Variants in SBF2 observed in about 807,000 individuals in gnomAD.
SBF2 encodes myotubularin-related protein 13.
A neutral mutation model predicts 225.2 loss-of-function variants in SBF2; 112 were observed. The ratio of observed to expected loss-of-function variants is 0.50; its 90% confidence interval spans 0.43 to 0.58. The LOEUF (loss-of-function observed/expected upper bound fraction) is 0.58, where lower values mean the gene tolerates loss of function less well. Ranked by LOEUF, SBF2 falls within the 20% of genes least tolerant of loss-of-function variation. The pLI is 0.00. For synonymous variants in SBF2, 763 were observed against 773.3 expected (o/e 0.99, Z 0.22); for missense variants, 1,996 against 2,206.2 (o/e 0.90, Z 1.91).
chr11:10,100,788 C>T (rs1952263760), intron 2 of SBF2, among the ~76,000 whole-genome samples: 1 of 152,018 alleles, frequency 6.6e-6, no homozygotes, highest in Non-Finnish European at 1.5e-5. Flanking sequence ...GGTTTGGCTC[C>T]ATCAGGGGTC....
chr11:9,857,298 C>CTAA (rs1857396789), intron 18 of SBF2, among the ~76,000 whole-genome samples: 1 of 152,208 alleles, frequency 6.6e-6, no homozygotes, highest in South Asian at 2.1e-4. Flanking sequence ...TCACTTGTAC[C>CTAA]TAACCTAGGG....
chr11:9,981,811 A>T (rs1946969990), intron 13 of SBF2, among the ~76,000 whole-genome samples: 1 of 152,238 alleles, frequency 6.6e-6, no homozygotes, highest in Non-Finnish European at 1.5e-5. Context: ...AACAGTATCG[A>T]ATGTTACATT....
At chr11:9,984,766 G>A (rs1005802076) in intron 13 of SBF2, among the ~76,000 whole-genome samples, 1 of 152,158 alleles carries the variant, frequency 6.6e-6, no homozygotes, top group Non-Finnish European at 1.5e-5. Context: ...AGAGACTGGA[G>A]CCCTATCTTC....
intron 6 of SBF2, among the ~76,000 whole-genome samples, chr11:10,008,169 C>T (rs1948283717): frequency 1.3e-5 from 2 of 152,134 alleles, no homozygotes; most frequent in Admixed American, 1.3e-4. Context: ...CCGCATGTTC[C>T]TCTGGTAGAA....
chr11:9,962,344 C>T (rs888010763), intron 15 of SBF2, among the ~76,000 whole-genome samples: 1 of 152,098 alleles, frequency 6.6e-6, no homozygotes, highest in Non-Finnish European at 1.5e-5. Flanking sequence ...AATTGAAAAA[C>T]ATTTAATTTC....
At chr11:10,295,546 A>G (rs893348094), upstream of SBF2, among the ~76,000 whole-genome samples, 9 of 152,024 alleles carry the variant, frequency 5.9e-5, no homozygotes, top group Non-Finnish European at 1.0e-4. Flanking sequence ...TGAATTTGCA[A>G]ACGTGGAGGG....
chr11:10,088,946 A>C (rs758592678), intron 2 of SBF2, among the ~76,000 whole-genome samples: 7 of 152,212 alleles, frequency 4.6e-5, no homozygotes, highest in Non-Finnish European at 1.5e-5. Context: ...TCAATAAATT[A>C]ACTGAAATAA....
intron 10 of SBF2, 22 bp downstream of exon 10, chr11:9,993,899 A>G: frequency 6.9e-7 from 1 of 1,452,400 alleles, no homozygotes. Context: ...ACAGCATTAA[A>G]TTTAAATATT....
chr11:9,808,077 TCTGA>T lies in SBF2; in HGVS notation c.4362_4365del (p.Ser1454ArgfsTer5). The T allele has an allele frequency of 6.2e-7, 1 of 1,614,198 alleles. No individual in the cohort carries two copies. The highest frequency in any genetic ancestry group is 1.1e-5 in the South Asian group (1 of 91,076). On this transcript the variant is annotated frameshift_variant, in exon 32 of 40. Coordinates refer to ENST00000256190, the MANE Select transcript of SBF2 (RefSeq NM_030962.4). LOFTEE classifies it high-confidence loss of function. ...TGACAGTTGAGGGTCAAGCTGCTCC[TCTGA>T]CTGAATTTGTGACCAAAAGAGAGCC... is the stretch of plus-strand genomic sequence containing the variant.
chr11:10,003,430 C>G (rs1320166865), intron 6 of SBF2, among the ~76,000 whole-genome samples: 1 of 151,194 alleles, frequency 6.6e-6, no homozygotes, highest in East Asian at 1.9e-4. Context: ...TGCAGTGGCA[C>G]GATCTCAGCT....
chr11:9,996,650 A>G (rs1047811942), intron 9 of SBF2, among the ~76,000 whole-genome samples: 1 of 152,168 alleles, frequency 6.6e-6, no homozygotes. Context: ...CGGCCTCCCA[A>G]AGTGCTGGGA....
chr11:10,256,352 A>G (rs1002356126), intron 1 of SBF2, among the ~76,000 whole-genome samples: 7 of 152,202 alleles, frequency 4.6e-5, no homozygotes, highest in African/African-American at 1.7e-4. Context: ...ACATTCTCTG[A>G]TATCTCACAT....
chr11:10,187,639 C>T (rs1374626330), intron 2 of SBF2, among the ~76,000 whole-genome samples: 2 of 151,402 alleles, frequency 1.3e-5, no homozygotes, highest in East Asian at 3.9e-4. Flanking sequence ...GTTAATTGAA[C>T]TCTACATTTA....
At chr11:10,264,840 T>C (rs1472017621) in intron 1 of SBF2, among the ~76,000 whole-genome samples, 1 of 151,088 alleles carries the variant, frequency 6.6e-6, no homozygotes, top group Admixed American at 6.6e-5. Context: ...TGGTGTTTGG[T>C]TTTCTGTTCT....
chr11:10,182,105 C>T (rs757046118), intron 2 of SBF2, among the ~76,000 whole-genome samples: 3 of 151,934 alleles, frequency 2.0e-5, no homozygotes, highest in African/African-American at 4.8e-5. Flanking sequence ...TGGTAATATC[C>T]GTAACTGGAA....
In SBF2 at chr11:9,853,526, T is replaced by C. The variant is rs992350950; in HGVS notation, c.2536+14A>G. On this transcript the variant is annotated intron_variant, in intron 20 of 39. Transcript: ENST00000256190. Reference sequence around the variant, plus strand: ...TCCAATATTCTGATTCTCTAATATCTGCAGAGTGATTACCTGGTATCATGC... The same window carrying C: ...TCCAATATTCTGATTCTCTAATATCCGCAGAGTGATTACCTGGTATCATGC... The C allele has an allele frequency of 8.7e-6, 14 of 1,611,090 alleles. No individual in the cohort carries two copies. In the Middle Eastern group the frequency reaches 5.0e-4, roughly 57 times the overall value.
At chr11:10,127,281 T>C (rs1409002677) in intron 2 of SBF2, among the ~76,000 whole-genome samples, 1 of 152,126 alleles carries the variant, frequency 6.6e-6, no homozygotes, top group Admixed American at 6.5e-5. Context: ...ATAATTAGTT[T>C]GAAATGTTTT....
intron 16 of SBF2, among the ~76,000 whole-genome samples, chr11:9,950,145 G>T (rs893507760): frequency 6.1e-5 from 9 of 148,756 alleles, no homozygotes; most frequent in Non-Finnish European, 9.0e-5. Flanking sequence ...CGTAAGCAGG[G>T]ATTAAAAAAA....
chr11:9,968,763 CT>C (rs1867132850), intron 13 of SBF2, among the ~76,000 whole-genome samples: 1 of 152,176 alleles, frequency 6.6e-6, no homozygotes, highest in Non-Finnish European at 1.5e-5. Flanking sequence ...TCCATGAACA[CT>C]TTCTTTACTT....
Sources: allele counts gnomAD v4.1 joint callset (sites outside exome capture counted in the v4.1 genomes callset), GRCh38; gene constraint gnomAD v4.1.1; transcripts MANE v1.5; gene names NCBI Gene and HGNC (gene_info 2026-07-23, HGNC 2026-07-21).